The following GORASP2 variants were observed in gnomAD, a reference collection of about 807,000 sequenced individuals.
The protein encoded by GORASP2 is golgi reassembly stacking protein 2.
In GORASP2, 22 loss-of-function variants were observed where a neutral mutation model predicts 45.7. That is an observed-to-expected ratio of 0.48 (90% CI 0.34 to 0.69). The LOEUF is 0.69. Ranked by LOEUF, GORASP2 falls within the 30% of genes least tolerant of loss-of-function variation. GORASP2 has a pLI of 0.01. For missense variants in GORASP2, 491 were observed against 562.7 expected (o/e 0.87, Z 1.29); for synonymous variants, 221 against 215.6 (o/e 1.02, Z -0.22).
intron 1 of GORASP2, chr2:170,929,779 A>G (rs770179520): frequency 4.1e-6 from 2 of 483,978 alleles, no homozygotes; most frequent in Non-Finnish European, 8.4e-6. Flanking sequence ...AACGTCTCCA[A>G]AGTGGTGACT....
At chr2:170,945,092 A>T (rs1286127247) in intron 1 of GORASP2, among the ~76,000 whole-genome samples, 1 of 152,186 alleles carries the variant, frequency 6.6e-6, no homozygotes, top group Non-Finnish European at 1.5e-5. Flanking sequence ...GAGAAGAAAT[A>T]TGCTATTTTG....
chr2:170,964,891 A>ATTT (rs1257940501), intron 9 of GORASP2, among the ~76,000 whole-genome samples: 4 of 84,554 alleles, frequency 4.7e-5, no homozygotes, highest in African/African-American at 1.2e-4. Flanking sequence ...TATGCATTTT[A>ATTT]ATTTTTTTTT....
chr2:170,963,258 C>T (rs1438579666), intron 9 of GORASP2, among the ~76,000 whole-genome samples: 2 of 151,602 alleles, frequency 1.3e-5, no homozygotes, highest in Non-Finnish European at 2.9e-5. Flanking sequence ...GCCTGTAGTC[C>T]CAGCTACGCA....
chr2:170,948,234 G>T lies in GORASP2; in HGVS notation c.64-116G>T, dbSNP rs901811492. The T allele has an allele frequency of 7.5e-5, 52 of 694,516 alleles. No homozygotes were observed. The African/African-American group carries it at 8.3e-4, about 11-fold the overall frequency. 43.0% of individuals were successfully genotyped at this position (694,516 alleles called of 1,614,324 possible). A position where few individuals can be genotyped will look rare whatever the true frequency, so the allele number is the denominator to read the frequency against. On this transcript the variant is annotated intron_variant, in intron 1 of 9. Transcript: ENST00000234160. ...GATGAAGAGAAATGAGAGAACTAGC[G>T]TGTACTGTATTTCATTATCAGTGAA...
At chr2:170,949,815 T>C (rs1444124061) in intron 3 of GORASP2, 73 bp downstream of exon 3, 1 of 1,256,192 alleles carries the variant, frequency 8.0e-7, no homozygotes, top group Non-Finnish European at 1.2e-6. Flanking sequence ...AATGGTTGTT[T>C]CTGGCTTAAT....
At chr2:170,949,402 A>T (rs1374775307) in intron 2 of GORASP2, 137 bp from the exon 3 acceptor site, 2 of 628,988 alleles carry the variant, frequency 3.2e-6, no homozygotes, top group Non-Finnish European at 5.4e-6. Context: ...CATAGAAGAA[A>T]ATTTAAATGT....
At chr2:170,959,195 C>T (rs2105327518) in intron 7 of GORASP2, among the ~76,000 whole-genome samples, 1 of 152,252 alleles carries the variant, frequency 6.6e-6, no homozygotes, top group East Asian at 1.9e-4. Flanking sequence ...CTCCTGACCT[C>T]AGGTGATTCA....
intron 7 of GORASP2, among the ~76,000 whole-genome samples, chr2:170,960,627 C>T (rs922755364): frequency 6.6e-6 from 1 of 152,202 alleles, no homozygotes; most frequent in African/African-American, 2.4e-5. Flanking sequence ...AAAATTATAG[C>T]ATTGCTATTG....
chr2:170,929,938 G>A, intron 1 of GORASP2: 1 of 361,680 alleles, frequency 2.8e-6, no homozygotes, highest in Non-Finnish European at 5.8e-6. Context: ...CAAATGGCCT[G>A]GAAGTAGGTT....
At chr2:170,941,356 A>G (rs1469894812) in intron 1 of GORASP2, among the ~76,000 whole-genome samples, 2 of 152,198 alleles carry the variant, frequency 1.3e-5, no homozygotes, top group Non-Finnish European at 2.9e-5. Flanking sequence ...CCTAAGAAGA[A>G]TTGGAAAAAA....
rs1559318466 is a variant in GORASP2, at chr2:170,966,935, A to T, written c.*805A>T. On this transcript the variant is annotated 3_prime_UTR_variant, in exon 10 of 10. Coordinates refer to ENST00000234160, the MANE Select transcript of GORASP2 (RefSeq NM_015530.5). ...AATTTTACTTTTTTTCTTGTGTTAC[A>T]TCTAAATTACAACCCTTAATTGCCA... is the stretch of plus-strand genomic sequence containing the variant. 1 of 152,220 alleles carries T rather than the reference A, an allele frequency of 6.6e-6. No individual in the cohort carries two copies. The highest frequency in any genetic ancestry group is 1.5e-5 in the Non-Finnish European group (1 of 68,040). The allele number at this position is 152,220 out of a possible 1,614,324, so 9.4% of individuals were successfully genotyped here.
rs148766173 is a variant in GORASP2 at position 170,935,953 on chromosome 2, G to T, written c.63+6550G>T. Among the ~76,000 whole-genome samples the T allele has an allele frequency of 5.9e-3, 892 of 152,248 alleles. 11 individuals carry two copies. The highest frequency in any genetic ancestry group is 0.02 in the African/African-American group (827 of 41,546). ...CATCCTCAGGATTCTCACTGGGGGA[G>T]ATCTGCTGTTAGTGGTTAATTATGG... On this transcript the variant is annotated intron_variant, in intron 1 of 9. Coordinates refer to ENST00000234160, the MANE Select transcript of GORASP2 (RefSeq NM_015530.5).
chr2:170,938,117 C>T (rs1703997216), intron 1 of GORASP2, among the ~76,000 whole-genome samples: 1 of 152,220 alleles, frequency 6.6e-6, no homozygotes, highest in African/African-American at 2.4e-5. Context: ...CTTAAAACAA[C>T]GCTATCTACC....
intron 1 of GORASP2, among the ~76,000 whole-genome samples, chr2:170,941,909 A>G (rs570959645): frequency 1.3e-5 from 2 of 152,242 alleles, no homozygotes; most frequent in African/African-American, 4.8e-5. Flanking sequence ...AGGTGTGCAT[A>G]TTTTCAATAT....
At chr2:170,929,110 G>A, upstream of GORASP2, 1 of 390,016 alleles carries the variant, frequency 2.6e-6, no homozygotes, top group Non-Finnish European at 4.5e-6. Context: ...CCGCCCTCCC[G>A]GCCCGCGAGC....
intron 1 of GORASP2, chr2:170,936,741 CCAAGAGTTTAAGACCACGCTGGG>C: frequency 3.6e-6 from 3 of 841,980 alleles, no homozygotes; most frequent in Non-Finnish European, 5.2e-6. Context: ...AGGTGGGGGC[CCAAGAGTTTAAGACCACGCTGGG>C]CAACATAATG....
At position 170,966,354 on chromosome 2, in the gene GORASP2, C is replaced by G; in HGVS notation, c.*224C>G. 1.8e-6 allele frequency: 1 copy of G among 568,034 alleles called. No individual in the cohort carries two copies. The highest frequency in any genetic ancestry group is 3.0e-5 in the East Asian group (1 of 32,952). The allele number at this position is 568,034 out of a possible 1,614,324, so 35.2% of individuals were successfully genotyped here. On this transcript the variant is annotated 3_prime_UTR_variant, in exon 10 of 10. Transcript: ENST00000234160. ...AGAAAGCGCTTGTATTTTAAACAAC[C>G]AAAAAGAATTGTAAGGGTGGCTTGC...
intron 1 of GORASP2, chr2:170,936,673 GC>G: frequency 1.5e-6 from 2 of 1,295,122 alleles, no homozygotes; most frequent in Non-Finnish European, 1.0e-6. Context: ...GGAAGCTTAA[GC>G]CGGGCATAAT....
chr2:170,935,471 T>C (rs1268113753), intron 1 of GORASP2, among the ~76,000 whole-genome samples: 1 of 151,992 alleles, frequency 6.6e-6, no homozygotes, highest in Non-Finnish European at 1.5e-5. Context: ...GCCAGGTTGG[T>C]CTAGAACTTC....
Sources: allele counts gnomAD v4.1 joint callset (sites outside exome capture counted in the v4.1 genomes callset), GRCh38; gene constraint gnomAD v4.1.1; transcripts MANE v1.5; gene names NCBI Gene and HGNC (gene_info 2026-07-23, HGNC 2026-07-21).